Variants in CYP39A1 observed in about 807,000 individuals in gnomAD.
The protein encoded by CYP39A1 is cytochrome P450 family 39 subfamily A member 1.
Under a neutral mutation model 58.1 loss-of-function variants are expected in CYP39A1, and 49 were observed. That is an observed-to-expected ratio of 0.84 (90% CI 0.67 to 1.07). The LOEUF is 1.07. CYP39A1 is among the 50% of genes least tolerant of loss of function. The pLI is 0.00. For synonymous variants in CYP39A1, 209 were observed against 187.6 expected (o/e 1.11, Z -0.93); for missense variants, 531 against 539.4 (o/e 0.98, Z 0.16).
chr6:46,551,967 C>G (rs1260812980), intron 11 of CYP39A1, among the ~76,000 whole-genome samples: 1 of 151,786 alleles, frequency 6.6e-6, no homozygotes, highest in Non-Finnish European at 1.5e-5. Context: ...CTTTTTATAA[C>G]CTGAGAGAAC....
chr6:46,628,951 C>G (rs1195592703), intron 6 of CYP39A1, among the ~76,000 whole-genome samples: 1 of 152,182 alleles, frequency 6.6e-6, no homozygotes, highest in Non-Finnish European at 1.5e-5. Flanking sequence ...CTATTTCTTA[C>G]CAAAATAATC....
At chr6:46,613,573 G>A (rs1260895017) in intron 7 of CYP39A1, among the ~76,000 whole-genome samples, 1 of 151,994 alleles carries the variant, frequency 6.6e-6, no homozygotes, top group Admixed American at 6.6e-5. Context: ...TTTAAATAAA[G>A]GCAAAGTAAA....
Position 46,639,606 on chromosome 6 carries a change from T to C in CYP39A1, c.376A>G (p.Lys126Glu). 6.2e-7 allele frequency: 1 copy of C among 1,614,038 alleles called. No individual in the cohort carries two copies. The highest frequency in any genetic ancestry group is 8.5e-7 in the Non-Finnish European group (1 of 1,179,936). Residue 126 changes from lysine (K) to glutamate (E), a missense_variant, in exon 3 of 12, where the codon AAA becomes GAA. Lys to Glu is a moderately conservative substitution (Grantham distance 56). Coordinates refer to ENST00000275016, the MANE Select transcript of CYP39A1 (RefSeq NM_016593.5). ...HEKLYIMLKGKMGTVNLHQFT... is the reference protein window; with the variant it reads ...HEKLYIMLKGEMGTVNLHQFT... ...TGATGGAGATTGACAGTCCCCATTT[T>C]CCCTTTCAACATAATATAGAGTTTT...
At chr6:46,567,146 C>T (rs1221616835) in intron 10 of CYP39A1, among the ~76,000 whole-genome samples, 1 of 151,962 alleles carries the variant, frequency 6.6e-6, no homozygotes, top group Non-Finnish European at 1.5e-5. Context: ...ATCTCCAATC[C>T]CCCAACCCCT....
At chr6:46,562,786 A>G (rs572353075) in intron 10 of CYP39A1, among the ~76,000 whole-genome samples, 1 of 152,226 alleles carries the variant, frequency 6.6e-6, no homozygotes, top group South Asian at 2.1e-4. Flanking sequence ...GTTACAATCT[A>G]TAAGGCAGAA....
At chr6:46,567,538 C>T (rs568136366) in intron 10 of CYP39A1, among the ~76,000 whole-genome samples, 7 of 152,006 alleles carry the variant, frequency 4.6e-5, no homozygotes, top group Non-Finnish European at 1.0e-4. Context: ...GCTTGAAGAA[C>T]TGCCATACCG....
chr6:46,568,580 A>G (rs1771415994), intron 10 of CYP39A1, among the ~76,000 whole-genome samples: 1 of 152,102 alleles, frequency 6.6e-6, no homozygotes. Flanking sequence ...TTAGGTTATA[A>G]GAGTCCAACT....
At chr6:46,640,338 C>A (rs1776252292) in intron 2 of CYP39A1, among the ~76,000 whole-genome samples, 1 of 152,100 alleles carries the variant, frequency 6.6e-6, no homozygotes, top group Non-Finnish European at 1.5e-5. Flanking sequence ...CATATCTACT[C>A]CCACCCAATC....
chr6:46,650,922 T>C (rs1198101032), intron 1 of CYP39A1, among the ~76,000 whole-genome samples: 2 of 152,208 alleles, frequency 1.3e-5, no homozygotes, highest in Admixed American at 1.3e-4. Flanking sequence ...CAAGATCATA[T>C]GCATAAGGAA....
intron 10 of CYP39A1, among the ~76,000 whole-genome samples, chr6:46,571,727 C>T (rs568918517): frequency 2.0e-5 from 3 of 151,794 alleles, no homozygotes; most frequent in African/African-American, 4.8e-5. Context: ...CATTTACATG[C>T]AAAGTAATTA....
intron 7 of CYP39A1, among the ~76,000 whole-genome samples, chr6:46,598,540 A>G (rs2150527922): frequency 6.6e-6 from 1 of 152,306 alleles, no homozygotes; most frequent in Non-Finnish European, 1.5e-5. Flanking sequence ...CATTTTCCCC[A>G]AACTATCCCA....
chr6:46,645,390 G>A, intron 1 of CYP39A1, among the ~76,000 whole-genome samples: 1 of 151,926 alleles, frequency 6.6e-6, no homozygotes, highest in East Asian at 1.9e-4. Flanking sequence ...TGTTTGTTTT[G>A]GCTTACGCTA....
At chr6:46,597,034 A>G (rs1357707802) in intron 7 of CYP39A1, among the ~76,000 whole-genome samples, 5 of 152,102 alleles carry the variant, frequency 3.3e-5, no homozygotes, top group Admixed American at 2.0e-4. Context: ...GTCTCCAGCC[A>G]TGTCTCTCTT....
chr6:46,587,166 C>T lies in CYP39A1; in HGVS notation c.1162-1G>A. ...CTAAATTTGCCTTTTTCCAACGTTC[C>T]TGTGGGAAGAAAACATTTTTTTTTC... is the stretch of plus-strand genomic sequence containing the variant. On this transcript the variant is annotated splice_acceptor_variant, in intron 9 of 11. Transcript: ENST00000275016. LOFTEE classifies it high-confidence loss of function. 1.2e-6 allele frequency: 2 copies of T among 1,600,218 alleles called. No homozygotes were observed. The highest frequency in any genetic ancestry group is 8.5e-7 in the Non-Finnish European group (1 of 1,170,202).
chr6:46,605,313 A>G (rs1224617196), intron 7 of CYP39A1, among the ~76,000 whole-genome samples: 1 of 152,204 alleles, frequency 6.6e-6, no homozygotes, highest in African/African-American at 2.4e-5. Flanking sequence ...AAGGTAAGGA[A>G]GACAAAGCTG....
intron 1 of CYP39A1, among the ~76,000 whole-genome samples, chr6:46,649,120 C>T (rs772580908): frequency 6.6e-6 from 1 of 152,242 alleles, no homozygotes; most frequent in Non-Finnish European, 1.5e-5. Flanking sequence ...CAAGGCTCAA[C>T]TCAGGTAGTC....
intron 10 of CYP39A1, chr6:46,586,532 C>CAA: frequency 1.0e-6 from 1 of 985,264 alleles, no homozygotes; most frequent in Non-Finnish European, 1.2e-6. Flanking sequence ...TTTCATTAAA[C>CAA]AATGGACACT....
At chr6:46,652,306 G>C in intron 1 of CYP39A1, 100 bp downstream of exon 1, 7 of 1,170,146 alleles carry the variant, frequency 6.0e-6, no homozygotes, top group Non-Finnish European at 8.3e-6. Flanking sequence ...AAGCAGGTAT[G>C]TTCCCCGTGT....
intron 7 of CYP39A1, among the ~76,000 whole-genome samples, chr6:46,605,392 G>A: frequency 6.6e-6 from 1 of 152,120 alleles, no homozygotes; most frequent in Non-Finnish European, 1.5e-5. Context: ...GAGTGTCAAG[G>A]AAAATTCTTT....
Sources: allele counts gnomAD v4.1 joint callset (sites outside exome capture counted in the v4.1 genomes callset), GRCh38; gene constraint gnomAD v4.1.1; transcripts MANE v1.5; gene names NCBI Gene and HGNC (gene_info 2026-07-23, HGNC 2026-07-21).